RGPD3: variants seen among roughly 807,000 people sequenced by gnomAD.
The protein encoded by RGPD3 is ranBP2-like and GRIP domain-containing protein 3.
RGPD3 carries 62 observed loss-of-function variants against 154.5 expected under a neutral mutation model. The ratio of observed to expected loss-of-function variants is 0.40; its 90% CI spans 0.33 to 0.50. The LOEUF is 0.50. Among genes scored for constraint, RGPD3 ranks in the 20% least tolerant of loss-of-function variants. The pLI is 0.59. For missense variants in RGPD3, 919 were observed against 1,716.8 expected (o/e 0.54, Z 8.21); for synonymous variants, 308 against 607.0 (o/e 0.51, Z 7.24).
chr2:106,454,526 GC>G (rs1406024839), intron 4 of RGPD3, among the ~76,000 whole-genome samples: 3 of 151,782 alleles, frequency 2.0e-5, no homozygotes, highest in Admixed American at 6.6e-5. Context: ...ACCTTAGCAA[GC>G]CTTAAATTTT....
rs1677095527 is a variant in RGPD3 at position 106,424,007 on chromosome 2, T to C, written c.3960A>G (p.Glu1320=). ...NQSGTSVGTD[E]ESDVTQEEER... The stretch of plus-strand genomic sequence containing the variant: ...CTTCTTCTTGAGTAACATCAGATTC[T>C]TCATCAGTGCCAACTGAAGTCCCAC... Residue 1320 remains glutamate (E), a synonymous_variant, in exon 20 of 23, where the codon GAA becomes GAG. Coordinates refer to ENST00000409886, the MANE Select transcript of RGPD3 (RefSeq NM_001144013.2). 1 of 1,611,798 alleles carries C rather than the reference T, an allele frequency of 6.2e-7. No homozygotes were observed. Among genetic ancestry groups the C allele is most frequent in the Non-Finnish European group, 8.5e-7 (1 of 1,179,828 alleles).
chr2:106,407,454 C>T (rs1168723996), intron 22 of RGPD3, among the ~76,000 whole-genome samples: 76 of 151,902 alleles, frequency 5.0e-4, no homozygotes, highest in East Asian at 3.9e-4. Flanking sequence ...TAGAAGGAAG[C>T]GATATTGCTT....
At chr2:106,442,461 C>A in intron 7 of RGPD3, among the ~76,000 whole-genome samples, 1 of 121,272 alleles carries the variant, frequency 8.2e-6, no homozygotes, top group African/African-American at 3.2e-5. Context: ...AATGGGACAA[C>A]CAGGAAATTA....
chr2:106,421,525 G>A (rs1676986228), intron 20 of RGPD3, among the ~76,000 whole-genome samples: 2 of 151,028 alleles, frequency 1.3e-5, no homozygotes, highest in Non-Finnish European at 3.0e-5. Context: ...CACTAAGGGT[G>A]AGATTTCACT....
At chr2:106,420,477 C>G (rs1484869211) in intron 20 of RGPD3, among the ~76,000 whole-genome samples, 1 of 151,942 alleles carries the variant, frequency 6.6e-6, no homozygotes, top group Admixed American at 6.6e-5. Context: ...GACAGGGAAA[C>G]ATTCTGAGAG....
intron 8 of RGPD3, among the ~76,000 whole-genome samples, chr2:106,440,563 T>G (rs1677708906): frequency 7.1e-6 from 1 of 140,606 alleles, no homozygotes; most frequent in Non-Finnish European, 1.5e-5. Flanking sequence ...ACAAAAAAAG[T>G]GGGCTATGGA....
At chr2:106,418,426 C>T (rs1019122387) in intron 20 of RGPD3, among the ~76,000 whole-genome samples, 31 of 151,776 alleles carry the variant, frequency 2.0e-4, no homozygotes, top group African/African-American at 6.8e-4. Context: ...TCAATCACTG[C>T]CCTTATACCT....
chr2:106,439,882 G>T (rs1677686809), intron 8 of RGPD3, among the ~76,000 whole-genome samples: 1 of 142,392 alleles, frequency 7.0e-6, no homozygotes, highest in South Asian at 2.3e-4. Context: ...AAAAAAAAAA[G>T]AATTATTTCC....
intron 14 of RGPD3, 129 bp from the exon 15 acceptor site, chr2:106,434,503 C>A: frequency 1.6e-6 from 1 of 614,578 alleles, no homozygotes; most frequent in Admixed American, 3.5e-5. Context: ...TCGCTTGAGC[C>A]TGGGAAGCAG....
At chr2:106,449,131 C>T (rs1473134371) in intron 6 of RGPD3, among the ~76,000 whole-genome samples, 2 of 151,758 alleles carry the variant, frequency 1.3e-5, no homozygotes, top group Non-Finnish European at 2.9e-5. Context: ...ACTTTTCTGA[C>T]TACTTTTTTG....
At chr2:106,451,776 CA>C (rs1678131219) in intron 6 of RGPD3, among the ~76,000 whole-genome samples, 1 of 151,938 alleles carries the variant, frequency 6.6e-6, no homozygotes, top group Admixed American at 6.5e-5. Flanking sequence ...TTAGCTAAAA[CA>C]GTATTTTCTG....
rs1425090804 is a variant in RGPD3 at position 106,434,271 on chromosome 2, T to G, written c.2162A>C (p.Lys721Thr). The G allele has an allele frequency of 1.2e-6, 2 of 1,601,354 alleles. No homozygotes were observed. The highest frequency in any genetic ancestry group is 1.7e-5 in the Admixed American group (1 of 59,124). The change falls in exon 15 of 23, where the codon AAG becomes ACG. Residue 721 changes from lysine to threonine, a missense_variant. Coordinates refer to ENST00000409886, the MANE Select transcript of RGPD3 (RefSeq NM_001144013.2). Reference protein sequence around the residue: ...YLRKTRGYLIKILDDSDSNLS... With the variant: ...YLRKTRGYLITILDDSDSNLS... ...ATTTGAATCACTGTCATCTAAAATCTTTATTAGGTAGCCCCTGGTCTTTCT... is the reference window on the plus strand; with the variant it reads ...ATTTGAATCACTGTCATCTAAAATCGTTATTAGGTAGCCCCTGGTCTTTCT...
upstream of RGPD3, among the ~76,000 whole-genome samples, chr2:106,469,265 AT>A (rs1160108549): frequency 6.9e-6 from 1 of 144,562 alleles, no homozygotes; most frequent in African/African-American, 2.6e-5. Flanking sequence ...TGGAAAAGCC[AT>A]CAGCCAATGT....
chr2:106,450,705 C>CAAAA (rs768839840), intron 6 of RGPD3, among the ~76,000 whole-genome samples: 104 of 43,240 alleles, frequency 2.4e-3, no homozygotes, highest in Middle Eastern at 0.045. Flanking sequence ...GACTCTGTCT[C>CAAAA]AAAAAAAAAA....
Position 106,424,685 on chromosome 2 carries a change from G to A in RGPD3, c.3282C>T (p.Gly1094=), listed in dbSNP as rs1255117713. ...NLKILKNEVN[G]KVRMLMQREQ... is the part of the protein sequence containing the mutation. Reference sequence around the variant, plus strand: ...CTCTTTGCATCAGCATTCTTACTTTGCCATTGACCTCGTTTTTGAGAATTT... The same window carrying A: ...CTCTTTGCATCAGCATTCTTACTTTACCATTGACCTCGTTTTTGAGAATTT... The change falls in exon 20 of 23, where the codon GGC becomes GGT. Residue 1094 remains glycine, a synonymous_variant. Transcript: ENST00000409886. The A allele has an allele frequency of 6.2e-7, 1 of 1,611,806 alleles. No individual in the cohort carries two copies.
intron 22 of RGPD3, among the ~76,000 whole-genome samples, chr2:106,410,462 A>C (rs972716946): frequency 1.8e-4 from 28 of 152,142 alleles, no homozygotes; most frequent in Admixed American, 4.6e-4. Context: ...TAGAACTTCT[A>C]AATCAATGGA....
chr2:106,413,216 G>A lies in RGPD3; in HGVS notation c.5134C>T (p.His1712Tyr), dbSNP rs775888740. The change falls in exon 22 of 23, where the codon CAC becomes TAC. Residue 1712 changes from histidine to tyrosine, a missense_variant. Transcript: ENST00000409886. ...AACTGCAGCAAGACGTTCTTCAAGTGTTCCACGTTAGCTGCAGACACCTCT... is the reference window on the plus strand; with the variant it reads ...AACTGCAGCAAGACGTTCTTCAAGTATTCCACGTTAGCTGCAGACACCTCT... ...EQEVSAANVE[H>Y]LKNVLLQFIF... 10 of 1,611,976 alleles carry A rather than the reference G, an allele frequency of 6.2e-6. No individual in the cohort carries two copies. The South Asian group carries it at 9.9e-5, about 16-fold the overall frequency.
At chr2:106,441,522 A>T (rs1427295793) in intron 7 of RGPD3, 142 bp from the exon 8 acceptor site, 1 of 1,281,328 alleles carries the variant, frequency 7.8e-7, no homozygotes, top group Admixed American at 2.6e-5. Context: ...AAAGACTGCA[A>T]AAACTGGGAA....
intron 12 of RGPD3, among the ~76,000 whole-genome samples, chr2:106,435,453 A>T (rs1234192705): frequency 6.8e-6 from 1 of 146,080 alleles, no homozygotes; most frequent in African/African-American, 2.5e-5. Context: ...GATTACAGGC[A>T]CCTGCCACCA....
Sources: allele counts gnomAD v4.1 joint callset (sites outside exome capture counted in the v4.1 genomes callset), GRCh38; gene constraint gnomAD v4.1.1; transcripts MANE v1.5; gene names NCBI Gene and HGNC (gene_info 2026-07-23, HGNC 2026-07-21).